The following REXO5 variants were observed in gnomAD, a reference collection of about 807,000 sequenced individuals.
REXO5 encodes exonuclease NEF-sp.
REXO5 carries 48 observed loss-of-function variants against 88.5 expected under a neutral mutation model. The ratio of observed to expected loss-of-function variants is 0.54; its 90% CI spans 0.43 to 0.69. The LOEUF is 0.69. Among genes scored for constraint, REXO5 ranks in the 30% least tolerant of loss-of-function variants. REXO5 has a pLI of 0.00. For synonymous variants in REXO5, 311 were observed against 336.5 expected (o/e 0.92, Z 0.83); for missense variants, 749 against 912.2 (o/e 0.82, Z 2.30).
chr16:20,840,390 C>G lies in REXO5; in HGVS notation c.1548C>G (p.Cys516Trp). 6.3e-7 allele frequency: 1 copy of G among 1,587,160 alleles called. No individual in the cohort carries two copies. Among genetic ancestry groups the G allele is most frequent in the Non-Finnish European group, 8.6e-7 (1 of 1,160,134 alleles). Residue 516 changes from cysteine to tryptophan, a missense_variant, in exon 15 of 20, where the codon TGC becomes TGG. By Grantham distance (215) the Cys-to-Trp change is radical (BLOSUM62 -2). Transcript: ENST00000261377. Reference protein sequence around the residue: ...TVYAGPFSKNCNLRALKRLFK... With the variant: ...TVYAGPFSKNWNLRALKRLFK... Reference sequence around the variant, plus strand: ...ATGCTGGGCCATTTAGCAAAAATTGCAATCTCAGGGCTCTGAAGAGGCTGT... The same window carrying G: ...ATGCTGGGCCATTTAGCAAAAATTGGAATCTCAGGGCTCTGAAGAGGCTGT...
chr16:20,822,435 T>C (rs950171244), intron 6 of REXO5, among the ~76,000 whole-genome samples: 1 of 152,204 alleles, frequency 6.6e-6, no homozygotes, highest in African/African-American at 2.4e-5. Context: ...TAAAAACAGA[T>C]ATAATTTAAC....
At chr16:20,817,466 G>A (rs546215709) in intron 5 of REXO5, among the ~76,000 whole-genome samples, 33 of 152,348 alleles carry the variant, frequency 2.2e-4, no homozygotes, top group Admixed American at 8.5e-4. Flanking sequence ...GAGAAGAATA[G>A]GAGGAGGTGG....
At chr16:20,818,760 TGCAC>T in intron 5 of REXO5, among the ~76,000 whole-genome samples, 1 of 152,248 alleles carries the variant, frequency 6.6e-6, no homozygotes. Context: ...CGTGAGCCAC[TGCAC>T]TTGGCCTTTT....
intron 19 of REXO5, among the ~76,000 whole-genome samples, chr16:20,849,115 T>A (rs775115962): frequency 4.6e-5 from 7 of 152,258 alleles, no homozygotes; most frequent in Non-Finnish European, 8.8e-5. Context: ...TTGTCGATAG[T>A]CTTCACCAAA....
intron 9 of REXO5, 75 bp downstream of exon 9, chr16:20,827,271 G>T: frequency 1.2e-6 from 2 of 1,605,870 alleles, no homozygotes; most frequent in Non-Finnish European, 1.7e-6. Flanking sequence ...AAAGTCTTGG[G>T]CTCTTCTCTC....
intron 1 of REXO5, 100 bp downstream of exon 1, chr16:20,806,805 C>A (rs2080886017): frequency 1.6e-6 from 2 of 1,282,872 alleles, no homozygotes; most frequent in Non-Finnish European, 1.0e-6. Context: ...TTTAGGGGAA[C>A]GGGGATAGTT....
chr16:20,825,441 A>C (rs760154100), intron 7 of REXO5: 5 of 156,422 alleles, frequency 3.2e-5, no homozygotes, highest in Non-Finnish European at 7.0e-5. Flanking sequence ...AATAAAGCCT[A>C]CCTCAAAAGG....
chr16:20,814,601 A>G (rs956035295), intron 3 of REXO5, among the ~76,000 whole-genome samples: 1 of 152,188 alleles, frequency 6.6e-6, no homozygotes, highest in Non-Finnish European at 1.5e-5. Flanking sequence ...ACCGCAGAGT[A>G]GGTTGGTATC....
In REXO5 at chr16:20,813,270, A is replaced by G. The variant is rs765632512; in HGVS notation, c.219A>G (p.Ala73=). ...AGCTGTGTGAATTGCTGAAGTATGC[A>G]GTTCTGGGCAAATCCAATGTTCCAA... ...HDQLCELLKY[A]VLGKSNVPKP... The change falls in exon 3 of 20, where the codon GCA becomes GCG. Residue 73 remains alanine (A), a synonymous_variant. Transcript: ENST00000261377. 3 of 1,613,368 alleles carry G rather than the reference A, an allele frequency of 1.9e-6. No individual in the cohort carries two copies. Among genetic ancestry groups the G allele is most frequent in the South Asian group, 1.1e-5 (1 of 91,052 alleles).
At chr16:20,826,000 A>G (rs753314689) in intron 8 of REXO5, 52 bp downstream of exon 8, 1 of 1,182,382 alleles carries the variant, frequency 8.5e-7, no homozygotes. Context: ...GCTAGAATGG[A>G]ATAATACTTA....
intron 13 of REXO5, among the ~76,000 whole-genome samples, chr16:20,835,146 T>C (rs1004515005): frequency 6.6e-6 from 1 of 152,084 alleles, no homozygotes; most frequent in Non-Finnish European, 1.5e-5. Context: ...TCTTTCTTTC[T>C]TTCCTTCCTT....
intron 2 of REXO5, among the ~76,000 whole-genome samples, chr16:20,810,062 A>C (rs908705924): frequency 7.9e-5 from 12 of 152,194 alleles, no homozygotes; most frequent in African/African-American, 2.9e-4. Flanking sequence ...TGAGCATGTC[A>C]TTACTTTCTG....
chr16:20,807,070 G>A lies in REXO5; in HGVS notation c.117G>A (p.Glu39=), dbSNP rs1795086580. Residue 39 remains glutamate, a synonymous_variant, in exon 2 of 20, where the codon GAG becomes GAA. Coordinates refer to ENST00000261377, the MANE Select transcript of REXO5 (RefSeq NM_030941.3). The part of the protein sequence containing the change: ...AEAMKAGWDL[E]ESQPEAKKAR... ...CGATGAAAGCCGGTTGGGATCTCGA[G>A]GAGAGTCAGCCCGAGGCCAAGGTGA... The A allele has an allele frequency of 2.5e-6, 4 of 1,604,742 alleles. No individual in the cohort carries two copies. The South Asian group carries it at 3.4e-5, about 14-fold the overall frequency.
At chr16:20,818,163 C>G (rs1444523640) in intron 5 of REXO5, among the ~76,000 whole-genome samples, 1 of 152,152 alleles carries the variant, frequency 6.6e-6, no homozygotes, top group Non-Finnish European at 1.5e-5. Context: ...TAACCCTTTC[C>G]CTGCCCCAAT....
At chr16:20,838,638 CA>C (rs912014353) in intron 13 of REXO5, among the ~76,000 whole-genome samples, 24 of 152,250 alleles carry the variant, frequency 1.6e-4, no homozygotes, top group African/African-American at 5.8e-4. Context: ...TTTCAGAGCC[CA>C]TAATCTCTTT....
intron 19 of REXO5, 106 bp from the exon 20 acceptor site, chr16:20,849,293 A>G: frequency 9.3e-7 from 1 of 1,072,820 alleles, no homozygotes; most frequent in Non-Finnish European, 1.4e-6. Context: ...CCCTTGCCCC[A>G]TGGCACACAC....
chr16:20,842,037 G>A lies in REXO5; in HGVS notation c.1626+1569G>A, dbSNP rs180902618. Among the ~76,000 whole-genome samples the A allele has an allele frequency of 1.3e-3, 200 of 152,196 alleles. 1 individual carries two copies. Among genetic ancestry groups the A allele is most frequent in the African/African-American group, 4.3e-3 (180 of 41,524 alleles). ...TCTCTTGGCCCCTTTTTTTGGTTGC[G>A]GGGGTGGCGGGTAAAATACATATAA... On this transcript the variant is annotated intron_variant, in intron 15 of 19. Coordinates refer to ENST00000261377, the MANE Select transcript of REXO5 (RefSeq NM_030941.3).
At chr16:20,813,346 T>C in intron 3 of REXO5, 44 bp downstream of exon 3, 1 of 229,470 alleles carries the variant, frequency 4.4e-6, no homozygotes, top group Non-Finnish European at 7.6e-6. Context: ...AGCGGTTTCT[T>C]TTTTTTTTTT....
chr16:20,812,754 A>G (rs1212433751), intron 2 of REXO5, among the ~76,000 whole-genome samples: 1 of 152,128 alleles, frequency 6.6e-6, no homozygotes, highest in African/African-American at 2.4e-5. Flanking sequence ...CCAACATGGC[A>G]TTGTTTTCAA....
Sources: allele counts gnomAD v4.1 joint callset (sites outside exome capture counted in the v4.1 genomes callset), GRCh38; gene constraint gnomAD v4.1.1; transcripts MANE v1.5; gene names NCBI Gene and HGNC (gene_info 2026-07-23, HGNC 2026-07-21).